PLCG2: variants seen among roughly 807,000 people sequenced by gnomAD.
PLCG2 encodes 1-phosphatidylinositol 4,5-bisphosphate phosphodiesterase gamma-2.
In PLCG2, 69 loss-of-function variants were observed where a neutral mutation model predicts 175.6. That is an observed-to-expected ratio of 0.39 (90% CI 0.32 to 0.48). PLCG2 has a LOEUF of 0.48. PLCG2 is among the 20% of genes least tolerant of loss of function. The pLI is 0.91. For synonymous variants in PLCG2, 827 were observed against 624.0 expected, an observed-to-expected ratio of 1.33 and a Z score of -4.85; for missense variants, 1,798 against 1,650.9, an observed-to-expected ratio of 1.09 and a Z score of -1.54.
Position 81,880,940 on chromosome 16 carries a change from G to C in PLCG2, c.679G>C (p.Val227Leu). The change falls in exon 8 of 33, where the codon GTG (valine) becomes CTG (leucine). Residue 227 changes from valine to leucine, a missense_variant. Transcript: ENST00000564138. The stretch of plus-strand genomic sequence containing the variant: ...CGATGAATTCAAAAAGGATTCGTCC[G>C]TGTTCATCCTGGGGTGAGGCAGCTC... Reference protein sequence around the residue: ...ILDEFKKDSSVFILGNTDRPD... With the variant: ...ILDEFKKDSSLFILGNTDRPD... 1.2e-6 allele frequency: 2 copies of C among 1,614,122 alleles called. No homozygotes were observed. The highest frequency in any genetic ancestry group is 8.5e-7 in the Non-Finnish European group (1 of 1,179,982).
At chr16:81,741,285 G>A (rs1909588825) in intron 1 of PLCG2, among the ~76,000 whole-genome samples, 1 of 152,212 alleles carries the variant, frequency 6.6e-6, no homozygotes, top group Non-Finnish European at 1.5e-5. Flanking sequence ...TTTTACAGAT[G>A]AGGAAACTAT....
chr16:81,900,151 A>G (rs1909084546), intron 13 of PLCG2, among the ~76,000 whole-genome samples: 1 of 152,272 alleles, frequency 6.6e-6, no homozygotes, highest in Non-Finnish European at 1.5e-5. Context: ...GAGAATATAT[A>G]AAACCAATAT....
intron 2 of PLCG2, among the ~76,000 whole-genome samples, chr16:81,838,519 A>G (rs1396447567): frequency 1.3e-5 from 2 of 152,118 alleles, no homozygotes; most frequent in Admixed American, 1.3e-4. Flanking sequence ...ACAGAAAACC[A>G]AACGCCGCAT....
chr16:81,907,304 G>GA (rs750806482), intron 15 of PLCG2, among the ~76,000 whole-genome samples: 38 of 148,204 alleles, frequency 2.6e-4, no homozygotes, highest in East Asian at 7.9e-4. Flanking sequence ...TTTCATCGGG[G>GA]GAAAAAAAAA....
rs1911697182 is a variant in PLCG2, at chr16:81,959,338, G to C, written c.*1340G>C. The C allele has an allele frequency of 4.5e-6, 1 of 222,200 alleles. No homozygotes were observed. Among genetic ancestry groups the C allele is most frequent in the Admixed American group, 5.8e-5 (1 of 17,390 alleles). The allele number at this position is 222,200 out of a possible 1,614,324, so 13.8% of individuals were successfully genotyped here. ...CTTAGTATGCATGTACTGCTGAAAAGCAGGGCAGAACAAATCAGGCTCTGA... is the reference window on the plus strand; with the variant it reads ...CTTAGTATGCATGTACTGCTGAAAACCAGGGCAGAACAAATCAGGCTCTGA... On this transcript the variant is annotated 3_prime_UTR_variant, in exon 33 of 33. Transcript: ENST00000564138.
intron 2 of PLCG2, among the ~76,000 whole-genome samples, chr16:81,806,160 A>G (rs1912012842): frequency 6.6e-6 from 1 of 152,082 alleles, no homozygotes; most frequent in African/African-American, 2.4e-5. Flanking sequence ...TGATTCAGAC[A>G]GATTCAATTC....
chr16:81,907,480 C>G (rs72823102), intron 15 of PLCG2, among the ~76,000 whole-genome samples: 5,988 of 152,196 alleles, frequency 0.039, 126 homozygotes, highest in African/African-American at 0.045. Flanking sequence ...AGCTCAAATA[C>G]CAAAAGAAGC....
Position 81,781,448 on chromosome 16 carries a change from A to G in PLCG2, c.-48+2024A>G, listed in dbSNP as rs577225925. On this transcript the variant is annotated intron_variant, in intron 1 of 32. Transcript: ENST00000564138. Reference sequence around the variant, plus strand: ...CTTTTTTTGTATTTCTATTGCAACTATTGCTTCCGTGATTTTCTGTCGTAC... The same window carrying G: ...CTTTTTTTGTATTTCTATTGCAACTGTTGCTTCCGTGATTTTCTGTCGTAC... Among the ~76,000 whole-genome samples the G allele has an allele frequency of 2.0e-5, 3 of 151,336 alleles. No individual in the cohort carries two copies. The East Asian group carries it at 5.8e-4, about 29-fold the overall frequency.
At chr16:81,955,266 G>C (rs1411636921) in intron 31 of PLCG2, among the ~76,000 whole-genome samples, 1 of 152,208 alleles carries the variant, frequency 6.6e-6, no homozygotes, top group Non-Finnish European at 1.5e-5. Context: ...ACCTTGCAGA[G>C]TATGGTCTGA....
chr16:81,936,375 G>C lies in PLCG2; in HGVS notation c.3049G>C (p.Ala1017Pro), dbSNP rs1384265381. The change falls in exon 27 of 33, where the codon GCA becomes CCA. Residue 1017 changes from alanine to proline, a missense_variant. Transcript: ENST00000564138. ...GATGGTGGCACTCAATTTCCAGACGGCAGGTAAAGGCCGACTGAAGGTAGT... is the reference window on the plus strand; with the variant it reads ...GATGGTGGCACTCAATTTCCAGACGCCAGGTAAAGGCCGACTGAAGGTAGT... ...SQMVALNFQTADKYMQMNHAL... is the reference protein window; with the variant it reads ...SQMVALNFQTPDKYMQMNHAL... The C allele has an allele frequency of 6.2e-7, 1 of 1,613,058 alleles. No homozygotes were observed. The highest frequency in any genetic ancestry group is 8.5e-7 in the Non-Finnish European group (1 of 1,179,810).
At chr16:81,835,578 C>G (rs1390632008) in intron 2 of PLCG2, among the ~76,000 whole-genome samples, 3 of 137,720 alleles carry the variant, frequency 2.2e-5, no homozygotes, top group East Asian at 2.3e-4. Flanking sequence ...GACTCGGTCT[C>G]AAATATAATA....
chr16:81,853,849 C>T (rs192142608), intron 2 of PLCG2, among the ~76,000 whole-genome samples: 1 of 152,188 alleles, frequency 6.6e-6, no homozygotes, highest in Non-Finnish European at 1.5e-5. Flanking sequence ...GTTTACCACT[C>T]TCTTCTCACA....
chr16:81,847,362 C>G (rs1906178682), intron 2 of PLCG2, among the ~76,000 whole-genome samples: 1 of 152,188 alleles, frequency 6.6e-6, no homozygotes, highest in Non-Finnish European at 1.5e-5. Context: ...ATTACAAAGG[C>G]ATGATTGATT....
At chr16:81,919,771 C>G in intron 20 of PLCG2, 107 bp downstream of exon 20, 3 of 842,048 alleles carry the variant, frequency 3.6e-6, no homozygotes, top group Non-Finnish European at 3.8e-6. Context: ...GTATCTGATA[C>G]TGCTGTAGGT....
chr16:81,926,911 G>C (rs1910297329), intron 22 of PLCG2, among the ~76,000 whole-genome samples, 171 bp from the exon 23 acceptor site: 1 of 152,182 alleles, frequency 6.6e-6, no homozygotes, highest in Non-Finnish European at 1.5e-5. Context: ...AAAATAAAAA[G>C]ACAGCAGTTG....
intron 7 of PLCG2, 62 bp from the exon 8 acceptor site, chr16:81,880,848 T>C (rs921885585): frequency 1.1e-5 from 17 of 1,491,394 alleles, no homozygotes; most frequent in African/African-American, 2.8e-5. Context: ...CAAAAATCTT[T>C]CCGTTTTTGC....
At chr16:81,746,399 T>A (rs898854655) in intron 1 of PLCG2, among the ~76,000 whole-genome samples, 6 of 152,168 alleles carry the variant, frequency 3.9e-5, no homozygotes, top group Non-Finnish European at 8.8e-5. Flanking sequence ...GTGAACGCAC[T>A]GCATTCTGGG....
chr16:81,954,432 C>T (rs530008976), intron 31 of PLCG2, among the ~76,000 whole-genome samples: 1 of 152,100 alleles, frequency 6.6e-6, no homozygotes, highest in Non-Finnish European at 1.5e-5. Flanking sequence ...CATAGGTATA[C>T]GTGTGCCATG....
chr16:81,747,832 C>G (rs908580077), intron 1 of PLCG2, among the ~76,000 whole-genome samples: 2 of 152,088 alleles, frequency 1.3e-5, no homozygotes, highest in African/African-American at 4.8e-5. Flanking sequence ...GACTGGCGGA[C>G]TGTTTTAGAT....
Sources: gnomAD v4.1 joint callset for allele counts (sites outside exome capture counted in the v4.1 genomes callset) on GRCh38, gnomAD v4.1.1 for gene constraint, MANE v1.5 for transcripts, NCBI Gene and HGNC (gene_info 2026-07-23, HGNC 2026-07-21) for gene names.